Variants in SELENOI observed in about 807,000 individuals in gnomAD.
SELENOI encodes ethanolaminephosphotransferase 1.
A neutral mutation model predicts 50.7 loss-of-function variants in SELENOI; 24 were observed. The ratio of observed to expected loss-of-function variants is 0.47; its 90% confidence interval spans 0.34 to 0.67. SELENOI has a LOEUF of 0.67. Ranked by LOEUF, SELENOI falls within the 30% of genes least tolerant of loss-of-function variation. The pLI is 0.01. For missense variants in SELENOI, 352 were observed against 461.4 expected (o/e 0.76, Z 2.17); for synonymous variants, 155 against 170.2 (o/e 0.91, Z 0.70).
In SELENOI at chr2:26,364,349, A is replaced by T. The variant is rs1425128873; in HGVS notation, c.105A>T (p.Pro35=). The change falls in exon 2 of 10, where the codon CCA becomes CCT. Residue 35 remains proline (P), a synonymous_variant. Transcript: ENST00000260585. ...CACTTTCTCTGTATGTCATGCATCC[A>T]TTCTGGAACACTATAGTAAAGGTAA... The part of the protein sequence containing the change: ...TNPLSLYVMH[P]FWNTIVKVFP... 5.1e-6 allele frequency: 8 copies of T among 1,558,314 alleles called. No individual in the cohort carries two copies. Among genetic ancestry groups the T allele is most frequent in the Admixed American group, 1.9e-5 (1 of 52,510 alleles).
At position 26,394,086 on chromosome 2, in the gene SELENOI, A is replaced by T. The variant is rs1678031401; in HGVS notation, c.*4983A>T. ...CAAGTTGTAGAAGGAGCCTGTTATAATTCTGCAAGATCTGTGAATAGCATT... is the reference window on the plus strand; with the variant it reads ...CAAGTTGTAGAAGGAGCCTGTTATATTTCTGCAAGATCTGTGAATAGCATT... On this transcript the variant is annotated 3_prime_UTR_variant, in exon 10 of 10. Transcript: ENST00000260585. The surrounding 1 kb of genome is among the most constrained non-coding windows in gnomAD (Gnocchi z 4.1). 1 of 152,242 alleles carries T rather than the reference A, an allele frequency of 6.6e-6. No homozygotes were observed. The highest frequency in any genetic ancestry group is 1.5e-5 in the Non-Finnish European group (1 of 68,050). 9.4% of individuals were successfully genotyped at this position (152,242 alleles called of 1,614,324 possible).
chr2:26,357,658 A>G (rs930317001), intron 1 of SELENOI, among the ~76,000 whole-genome samples: 6 of 152,138 alleles, frequency 3.9e-5, no homozygotes, highest in African/African-American at 1.4e-4. Flanking sequence ...CTCCCTCTTC[A>G]TATGGCCTTC....
chr2:26,385,212 C>A, intron 8 of SELENOI, 73 bp downstream of exon 8: 1 of 923,310 alleles, frequency 1.1e-6, no homozygotes, highest in South Asian at 3.5e-5. Flanking sequence ...TTTGAAAAAT[C>A]TTTAATATTA....
intron 1 of SELENOI, among the ~76,000 whole-genome samples, chr2:26,361,991 T>C (rs1393969005): frequency 6.6e-6 from 1 of 152,182 alleles, no homozygotes; most frequent in Non-Finnish European, 1.5e-5. Context: ...GTCTCAGATC[T>C]TTTGTCCAAT....
chr2:26,367,384 T>G (rs1261105719), intron 4 of SELENOI, among the ~76,000 whole-genome samples, 164 bp downstream of exon 4: 1 of 152,228 alleles, frequency 6.6e-6, no homozygotes, highest in Non-Finnish European at 1.5e-5. Flanking sequence ...TTACAAAAAA[T>G]TTTGTCATTC....
At chr2:26,364,200 G>A (rs564291422) in intron 1 of SELENOI, 102 bp from the exon 2 acceptor site, 198 of 798,560 alleles carry the variant, frequency 2.5e-4, no homozygotes, top group Non-Finnish European at 3.6e-4. Context: ...ATATGCATGC[G>A]CCACTGCGCC....
At chr2:26,353,579 C>T (rs1304596265) in intron 1 of SELENOI, among the ~76,000 whole-genome samples, 6 of 152,138 alleles carry the variant, frequency 3.9e-5, no homozygotes, top group Non-Finnish European at 2.9e-5. Context: ...GGGAACTGCC[C>T]TCTGTTCCCT....
intron 9 of SELENOI, 61 bp downstream of exon 9, chr2:26,386,597 C>T: frequency 7.2e-7 from 1 of 1,385,346 alleles, no homozygotes; most frequent in Non-Finnish European, 9.6e-7. Flanking sequence ...CAATAAATGC[C>T]TCCGAGTAGA....
At chr2:26,369,758 A>G (rs1360441835) in intron 4 of SELENOI, among the ~76,000 whole-genome samples, 5 of 152,200 alleles carry the variant, frequency 3.3e-5, no homozygotes, top group East Asian at 3.8e-4. Flanking sequence ...ACCTTTTTAT[A>G]TACTTCACTC....
Position 26,381,198 on chromosome 2 carries a change from C to CTTTTTTTTTTTTTTTTTTTTTTTTTTTT in SELENOI, c.683-2097_683-2070dup, listed in dbSNP as rs57102834. Among the ~76,000 whole-genome samples, 5 of 30,198 alleles carry CTTTTTTTTTTTTTTTTTTTTTTTTTTTT rather than the reference C, an allele frequency of 1.7e-4. 1 individual carries two copies. Among genetic ancestry groups the CTTTTTTTTTTTTTTTTTTTTTTTTTTTT allele is most frequent in the African/African-American group, 9.0e-4 (5 of 5,532 alleles). 19.8% of individuals were successfully genotyped at this position (30,198 alleles called of 152,430 possible). ...TGGATTGTATCTCCTTCAGTTTGGT[C>CTTTTTTTTTTTTTTTTTTTTTTTTTTTT]TTTTTTTTTTTTTTTTTTTTTTTTT... On this transcript the variant is annotated intron_variant, in intron 6 of 9. Coordinates refer to ENST00000260585, the MANE Select transcript of SELENOI (RefSeq NM_033505.4).
At chr2:26,352,707 CTG>C (rs1381173406) in intron 1 of SELENOI, among the ~76,000 whole-genome samples, 2 of 152,094 alleles carry the variant, frequency 1.3e-5, no homozygotes, top group East Asian at 3.9e-4. Flanking sequence ...TCGCTTGAAT[CTG>C]GGAGGTGGAG....
At chr2:26,382,055 T>C (rs1299615305) in intron 6 of SELENOI, among the ~76,000 whole-genome samples, 3 of 152,186 alleles carry the variant, frequency 2.0e-5, no homozygotes, top group Non-Finnish European at 4.4e-5. Flanking sequence ...CTTATATCAC[T>C]ATAGATCATA....
chr2:26,347,861 C>T (rs1234343764), intron 1 of SELENOI, among the ~76,000 whole-genome samples: 3 of 152,074 alleles, frequency 2.0e-5, no homozygotes, highest in African/African-American at 4.8e-5. Flanking sequence ...CTAGAAGTTT[C>T]GTGTAATTTT....
intron 1 of SELENOI, among the ~76,000 whole-genome samples, chr2:26,361,709 A>G (rs1677182632): frequency 6.6e-6 from 1 of 151,012 alleles, no homozygotes; most frequent in Non-Finnish European, 1.5e-5. Context: ...GCTGGAGCGC[A>G]GTGGCACAAT....
At chr2:26,369,460 C>G (rs1677362325) in intron 4 of SELENOI, among the ~76,000 whole-genome samples, 1 of 152,182 alleles carries the variant, frequency 6.6e-6, no homozygotes, top group African/African-American at 2.4e-5. Flanking sequence ...TCTTCGTTAC[C>G]CAGAATAGAA....
intron 6 of SELENOI, among the ~76,000 whole-genome samples, chr2:26,375,386 A>C (rs1170159982): frequency 6.6e-6 from 1 of 152,238 alleles, no homozygotes; most frequent in Non-Finnish European, 1.5e-5. Flanking sequence ...AAAATAGATC[A>C]CATAAGCCTG....
At position 26,384,980 on chromosome 2, in the gene SELENOI, G is replaced by T; in HGVS notation, c.753G>T (p.Leu251Phe). ...NFFRSYKNNT[L>F]KLNSVYEAMV... is the part of the protein sequence containing the mutation. ...CCAGAAGCTATAAAAATAACACCTT[G>T]AAACTCAATTCAGTCTATGAAGCTA... is the stretch of plus-strand genomic sequence containing the variant. Residue 251 changes from leucine to phenylalanine, a missense_variant, in exon 8 of 10, where the codon TTG becomes TTT. By Grantham distance (22) the Leu-to-Phe change is conservative. Coordinates refer to ENST00000260585, the MANE Select transcript of SELENOI (RefSeq NM_033505.4). 1 of 1,604,284 alleles carries T rather than the reference G, an allele frequency of 6.2e-7. No individual in the cohort carries two copies. The highest frequency in any genetic ancestry group is 8.5e-7 in the Non-Finnish European group (1 of 1,177,078).
At chr2:26,360,655 T>C (rs1390608174) in intron 1 of SELENOI, among the ~76,000 whole-genome samples, 1 of 152,218 alleles carries the variant, frequency 6.6e-6, no homozygotes, top group African/African-American at 2.4e-5. Flanking sequence ...ACTTCTGTGC[T>C]TTAAGATGGA....
chr2:26,348,091 T>G (rs76933686), intron 1 of SELENOI, among the ~76,000 whole-genome samples: 1 of 152,232 alleles, frequency 6.6e-6, no homozygotes, highest in Non-Finnish European at 1.5e-5. Context: ...CAATACTGCA[T>G]TTATATTAAA....
Sources: allele counts gnomAD v4.1 joint callset (sites outside exome capture counted in the v4.1 genomes callset), GRCh38; gene constraint gnomAD v4.1.1; non-coding constraint Gnocchi (gnomAD v3.1); transcripts MANE v1.5; gene names NCBI Gene and HGNC (gene_info 2026-07-23, HGNC 2026-07-21).